COL5A1: variants seen among roughly 807,000 people sequenced by gnomAD.
The protein encoded by COL5A1 is collagen alpha-1(V) chain.
COL5A1 carries 16 observed loss-of-function variants against 263.7 expected under a neutral mutation model. The observed-to-expected ratio is 0.06, with a 90% CI of 0.04 to 0.09. The LOEUF (loss-of-function observed/expected upper bound fraction) is 0.09, where lower values mean the gene tolerates loss of function less well. Ranked by LOEUF, COL5A1 falls within the 10% of genes least tolerant of loss-of-function variation. The probability of loss-of-function intolerance (pLI) is 1.00; values close to 1 mark genes in which losing one functional copy is unlikely to be tolerated. For synonymous variants in COL5A1, 1,012 were observed against 1,004.5 expected (o/e 1.01, Z -0.14); for missense variants, 2,036 against 2,540.5 (o/e 0.80, Z 4.27).
intron 4 of COL5A1, among the ~76,000 whole-genome samples, chr9:134,719,748 G>A (rs549762212): frequency 2.6e-5 from 4 of 152,350 alleles, no homozygotes; most frequent in Non-Finnish European, 5.9e-5. Context: ...GGCTGCCATC[G>A]TTGGTAAGAG....
intron 32 of COL5A1, among the ~76,000 whole-genome samples, chr9:134,790,529 T>G (rs1337793907): frequency 1.4e-5 from 1 of 69,432 alleles, no homozygotes; most frequent in African/African-American, 6.1e-5. Context: ...CATCCATCCA[T>G]CCACCCACCC....
chr9:134,796,275 A>C (rs1383652352), intron 34 of COL5A1, 99 bp from the exon 35 acceptor site: 1 of 1,320,590 alleles, frequency 7.6e-7, no homozygotes, highest in Non-Finnish European at 1.1e-6. Flanking sequence ...GCACACAGGC[A>C]ATATTTGACT....
rs577834764 is a variant in COL5A1 at position 134,770,836 on chromosome 9, A to G, written c.2287-1954A>G. On this transcript the variant is annotated intron_variant, in intron 25 of 65. Coordinates refer to ENST00000371817, the MANE Select transcript of COL5A1 (RefSeq NM_000093.5). ...GCGGCCCTGCCCGGCTTTGCAGGAA[A>G]ATCAGTCGTGGTTATCTTGTTACGT... Among the ~76,000 whole-genome samples, 6 of 152,352 alleles carry G rather than the reference A, an allele frequency of 3.9e-5. No homozygotes were observed. In the East Asian group the frequency reaches 1.2e-3, roughly 29 times the overall value.
intron 1 of COL5A1, among the ~76,000 whole-genome samples, chr9:134,654,309 G>T (rs1274909835): frequency 8.2e-5 from 11 of 134,314 alleles, no homozygotes; most frequent in South Asian, 2.7e-4. Context: ...TATAGGGCTG[G>T]AGGAGTGTAG....
In COL5A1 at chr9:134,772,774, T is replaced by G. The variant is rs201161949; in HGVS notation, c.2287-16T>G. ...GGAGTGGCACTGACTAATCAATGCT[T>G]CTTCTTTTGTGACAGGGACACCCTG... On this transcript the variant is annotated splice_polypyrimidine_tract_variant and intron_variant, in intron 25 of 65. Transcript: ENST00000371817. 54 of 1,613,998 alleles carry G rather than the reference T, an allele frequency of 3.3e-5. No homozygotes were observed. The African/African-American group carries it at 5.5e-4, about 16-fold the overall frequency.
At chr9:134,760,297 AC>A (rs1186561511) in intron 18 of COL5A1, among the ~76,000 whole-genome samples, 12 of 46,714 alleles carry the variant, frequency 2.6e-4, no homozygotes, top group Admixed American at 1.6e-3. Context: ...ACACCCCCAC[AC>A]CCCCCACACA....
At position 134,767,042 on chromosome 9, in the gene COL5A1, C is replaced by A; in HGVS notation, c.2176C>A (p.Pro726Thr). ...TGGCCCCCCAGGACAGCAGGGTAAT[C>A]CAGGCGCCCAGGTAAGTGAGCCTGA... ...EPGPPGQQGNPGAQGLPGPQG... is the reference protein window; with the variant it reads ...EPGPPGQQGNTGAQGLPGPQG... The change falls in exon 23 of 66, where the codon CCA becomes ACA. Residue 726 changes from proline (P) to threonine (T), a missense_variant. By Grantham distance (38) the Pro-to-Thr change is conservative. Coordinates refer to ENST00000371817, the MANE Select transcript of COL5A1 (RefSeq NM_000093.5). 6.2e-7 allele frequency: 1 copy of A among 1,613,468 alleles called. No individual in the cohort carries two copies. Among genetic ancestry groups the A allele is most frequent in the Non-Finnish European group, 8.5e-7 (1 of 1,179,912 alleles).
At chr9:134,836,061 C>T (rs1391383172) in intron 65 of COL5A1, among the ~76,000 whole-genome samples, 2 of 152,216 alleles carry the variant, frequency 1.3e-5, no homozygotes, top group Non-Finnish European at 2.9e-5. Context: ...CTGTTCTCTC[C>T]ACCACTTATT....
chr9:134,762,868 CGTGTGT>C (rs36058752), intron 19 of COL5A1, among the ~76,000 whole-genome samples: 4 of 149,810 alleles, frequency 2.7e-5, no homozygotes, highest in East Asian at 2.0e-4. Flanking sequence ...ATTGAGAGGA[CGTGTGT>C]GTGTGTGTGT....
Position 134,732,125 on chromosome 9 carries a change from C to A in COL5A1, c.1387C>A (p.Pro463Thr). Residue 463 changes from proline to threonine, a missense_variant and splice_region_variant, in exon 9 of 66, where the codon CCG (proline) becomes ACG (threonine). Pro to Thr is a conservative substitution (Grantham distance 38). Coordinates refer to ENST00000371817, the MANE Select transcript of COL5A1 (RefSeq NM_000093.5). ...AAAGGGAGAACCAGCGATTATCGAG[C>A]CGGTGAGGACATTTTCTCATTCCCT... ...GQKGEPAIIE[P>T]GMLIEGPPGP... The A allele has an allele frequency of 2.5e-6, 4 of 1,614,210 alleles. No individual in the cohort carries two copies. The highest frequency in any genetic ancestry group is 3.3e-5 in the Admixed American group (2 of 60,036).
Position 134,820,372 on chromosome 9 carries a change from C to T in COL5A1, c.4554+149C>T, listed in dbSNP as rs1838945744. The T allele has an allele frequency of 7.0e-6, 5 of 711,394 alleles. No homozygotes were observed. In the South Asian group the frequency reaches 7.6e-5, roughly 11 times the overall value. 44.1% of individuals were successfully genotyped at this position (711,394 alleles called of 1,614,324 possible). ...GGTCATCCTGCTTGGCAGATGGGAA[C>T]ACTGACGGGCTGGGCTTGCCCAGGT... On this transcript the variant is annotated intron_variant, in intron 58 of 65. Coordinates refer to ENST00000371817, the MANE Select transcript of COL5A1 (RefSeq NM_000093.5).
intron 11 of COL5A1, among the ~76,000 whole-genome samples, chr9:134,746,880 G>T (rs922122033): frequency 1.3e-5 from 2 of 152,216 alleles, no homozygotes; most frequent in African/African-American, 4.8e-5. Flanking sequence ...GCGTTCCCTT[G>T]GTGTCTGACA....
Position 134,823,457 on chromosome 9 carries a change from C to A in COL5A1, c.4686C>A (p.Pro1562=). The part of the protein sequence containing the change: ...GPKGEAGHPG[P]PGPPGPPGEV... The stretch of plus-strand genomic sequence containing the variant: ...AGGGTGAGGCAGGCCACCCAGGACC[C>A]CCAGGCCCCCCGGTAAGTAGCCCTT... Residue 1562 remains proline (P), a synonymous_variant, in exon 61 of 66, where the codon CCC becomes CCA. Transcript: ENST00000371817. 1.2e-6 allele frequency: 2 copies of A among 1,614,190 alleles called. No individual in the cohort carries two copies. The highest frequency in any genetic ancestry group is 1.7e-6 in the Non-Finnish European group (2 of 1,180,016).
At chr9:134,736,421 C>A (rs1835099677) in intron 9 of COL5A1, among the ~76,000 whole-genome samples, 1 of 152,184 alleles carries the variant, frequency 6.6e-6, no homozygotes, top group African/African-American at 2.4e-5. Flanking sequence ...TCATCAAGAG[C>A]CCACTCCCAC....
intron 27 of COL5A1, among the ~76,000 whole-genome samples, 173 bp downstream of exon 27, chr9:134,775,085 C>T (rs1329382554): frequency 2.6e-5 from 4 of 152,218 alleles, no homozygotes; most frequent in African/African-American, 4.8e-5. Flanking sequence ...GGACAGCGGG[C>T]CTGAGCAGGT....
At position 134,669,236 on chromosome 9, in the gene COL5A1, C is replaced by CCTTCCCTTCCCTTCCCTTCT. The variant is rs1339773398; in HGVS notation, c.110-21657_110-21656insTCTTCCCTTCCCTTCCCTTC. Among the ~76,000 whole-genome samples, 12 of 21,502 alleles carry CCTTCCCTTCCCTTCCCTTCT rather than the reference C, an allele frequency of 5.6e-4. No homozygotes were observed. In the East Asian group the frequency reaches 0.016, roughly 28 times the overall value. The allele number at this position is 21,502 out of a possible 152,430, so 14.1% of individuals were successfully genotyped here. On this transcript the variant is annotated intron_variant, in intron 1 of 65. Coordinates refer to ENST00000371817, the MANE Select transcript of COL5A1 (RefSeq NM_000093.5). Reference sequence around the variant, plus strand: ...TTTTCCCTTCCCTTCCCTTCCCTTTCCTTCCCTTCCCTTCCCTTCCCTTCC... The same window carrying CCTTCCCTTCCCTTCCCTTCT: ...TTTTCCCTTCCCTTCCCTTCCCTTTCCTTCCCTTCCCTTCCCTTCTCTTCCCTTCCCTTCCCTTCCCTTCC...
chr9:134,840,650 G>A (rs899578262), intron 65 of COL5A1, among the ~76,000 whole-genome samples: 4 of 152,182 alleles, frequency 2.6e-5, no homozygotes, highest in East Asian at 3.9e-4. Context: ...CGCCAGCTGC[G>A]TGGCTCATAA....
chr9:134,797,514 G>C (rs927464658), intron 36 of COL5A1, among the ~76,000 whole-genome samples: 10 of 152,050 alleles, frequency 6.6e-5, no homozygotes, highest in Admixed American at 6.5e-4. Context: ...ACAGAGTCTC[G>C]CTCTGTCGCC....
At chr9:134,831,494 C>A (rs1282998026) in intron 64 of COL5A1, among the ~76,000 whole-genome samples, 1 of 152,132 alleles carries the variant, frequency 6.6e-6, no homozygotes, top group African/African-American at 2.4e-5. Context: ...CACCCGGGGA[C>A]AGGGAGGGCC....
Sources: allele counts gnomAD v4.1 joint callset (sites outside exome capture counted in the v4.1 genomes callset), GRCh38; gene constraint gnomAD v4.1.1; transcripts MANE v1.5; gene names NCBI Gene and HGNC (gene_info 2026-07-23, HGNC 2026-07-21).